The following CA1 variants were observed in gnomAD, a reference collection of about 807,000 sequenced individuals.
CA1 encodes carbonic anhydrase 1.
In CA1, 27 loss-of-function variants were observed where a neutral mutation model predicts 28.8. The ratio of observed to expected loss-of-function variants is 0.94; its 90% CI spans 0.69 to 1.29. CA1 has a LOEUF of 1.29. CA1 is among the 50% of genes most tolerant of loss of function. The pLI is 0.00. For missense variants in CA1, 335 were observed against 310.5 expected, an observed-to-expected ratio of 1.08 and a Z score of -0.59; for synonymous variants, 121 against 108.8, an observed-to-expected ratio of 1.11 and a Z score of -0.70.
intron 1 of CA1, among the ~76,000 whole-genome samples, chr8:85,370,489 A>T (rs1462133888): frequency 2.6e-5 from 4 of 152,126 alleles, no homozygotes; most frequent in Admixed American, 6.6e-5. Context: ...ATTTTTTAGA[A>T]AGAGATATGG....
At chr8:85,344,177 ATAATATATAATTATATAT>A (rs1809043196) in intron 1 of CA1, among the ~76,000 whole-genome samples, 1 of 118,972 alleles carries the variant, frequency 8.4e-6, no homozygotes, top group Admixed American at 8.7e-5. Context: ...TATACTGTAT[ATAATATATAATTATATAT>A]TATACAGTAT....
intron 2 of CA1, among the ~76,000 whole-genome samples, chr8:85,338,857 G>A (rs370087894): frequency 3.6e-4 from 54 of 151,642 alleles, no homozygotes; most frequent in African/African-American, 1.3e-3. Context: ...GGGATTACAG[G>A]AGCATGCCAC....
chr8:85,341,795 G>A, intron 1 of CA1, 136 bp from the exon 2 acceptor site: 2 of 604,698 alleles, frequency 3.3e-6, no homozygotes, highest in Non-Finnish European at 5.9e-6. Context: ...CTGCTTATCA[G>A]GAAGTACACA....
intron 1 of CA1, among the ~76,000 whole-genome samples, chr8:85,349,075 G>A (rs1340278128): frequency 2.6e-5 from 4 of 152,198 alleles, no homozygotes; most frequent in African/African-American, 9.7e-5. Flanking sequence ...ATGATTACAA[G>A]TGCTTTCTGA....
chr8:85,332,518 A>G lies in CA1; in HGVS notation c.485T>C (p.Leu162Pro), dbSNP rs759781628. ...GGTTTTAATTGCTTGGAGGGCATCAAGTACTTTCTGCAGCTTTGGGTTGGC... is the reference window on the plus strand; with the variant it reads ...GGTTTTAATTGCTTGGAGGGCATCAGGTACTTTCTGCAGCTTTGGGTTGGC... The part of the protein sequence containing the change: ...GEANPKLQKV[L>P]DALQAIKTKG... The change falls in exon 6 of 8, where the codon CTT becomes CCT. Residue 162 changes from leucine to proline, a missense_variant. Physicochemically the swap from Leu to Pro is moderately conservative, Grantham distance 98 (BLOSUM62 -3). Coordinates refer to ENST00000523022, the MANE Select transcript of CA1 (RefSeq NM_001128831.4). 42 of 1,613,122 alleles carry G rather than the reference A, an allele frequency of 2.6e-5. 1 individual carries two copies. The South Asian group carries it at 2.6e-4, about 10-fold the overall frequency.
intron 1 of CA1, among the ~76,000 whole-genome samples, chr8:85,343,703 T>A (rs1809018427): frequency 6.6e-6 from 1 of 152,178 alleles, no homozygotes; most frequent in African/African-American, 2.4e-5. Flanking sequence ...TGCTTTAACA[T>A]CCATATGGAA....
intron 1 of CA1, among the ~76,000 whole-genome samples, chr8:85,376,541 A>C (rs1218314559): frequency 6.6e-6 from 1 of 151,708 alleles, no homozygotes; most frequent in Non-Finnish European, 1.5e-5. Flanking sequence ...ACATGCCTGT[A>C]GTCCCAGGTA....
chr8:85,333,143 C>A (rs547730037), intron 5 of CA1, among the ~76,000 whole-genome samples: 1 of 152,178 alleles, frequency 6.6e-6, no homozygotes, highest in African/African-American at 2.4e-5. Flanking sequence ...ATTTCTGAAT[C>A]TATGATTTCA....
intron 3 of CA1, 31 bp downstream of exon 3, chr8:85,338,220 GA>G (rs761062549): frequency 1.9e-6 from 3 of 1,573,282 alleles, no homozygotes; most frequent in Non-Finnish European, 1.7e-6. Context: ...TAGACTGTAA[GA>G]AAAAAATATC....
intron 1 of CA1, among the ~76,000 whole-genome samples, chr8:85,374,324 T>A (rs1360496727): frequency 6.6e-6 from 1 of 152,130 alleles, no homozygotes; most frequent in African/African-American, 2.4e-5. Context: ...ATAGCAAAAA[T>A]TTTATATTAT....
intron 1 of CA1, among the ~76,000 whole-genome samples, chr8:85,369,727 C>CTTA (rs546283137): frequency 1.3e-5 from 2 of 152,072 alleles, no homozygotes; most frequent in South Asian, 2.1e-4. Flanking sequence ...AAATAGCTAC[C>CTTA]TTAAGGGGAA....
intron 6 of CA1, chr8:85,332,222 A>C (rs1384969531): frequency 3.1e-6 from 1 of 321,448 alleles, no homozygotes; most frequent in Non-Finnish European, 5.8e-6. Context: ...TTTTTCAAGC[A>C]AATTTAAATG....
intron 1 of CA1, among the ~76,000 whole-genome samples, chr8:85,343,583 T>C (rs529641385): frequency 1.3e-5 from 2 of 152,176 alleles, no homozygotes; most frequent in Non-Finnish European, 2.9e-5. Flanking sequence ...CTCCTAATAT[T>C]GTATACTTTG....
intron 1 of CA1, among the ~76,000 whole-genome samples, chr8:85,369,564 C>T (rs762860878): frequency 8.5e-5 from 13 of 152,104 alleles, no homozygotes; most frequent in Non-Finnish European, 1.3e-4. Flanking sequence ...AATGAAATGC[C>T]GTGGACTGGT....
intron 1 of CA1, among the ~76,000 whole-genome samples, chr8:85,344,148 T>C (rs1809037724): frequency 7.4e-6 from 1 of 134,400 alleles, no homozygotes; most frequent in Non-Finnish European, 1.6e-5. Context: ...TATAATTATA[T>C]ATTATATACT....
At chr8:85,370,595 G>A (rs1055354640) in intron 1 of CA1, among the ~76,000 whole-genome samples, 1 of 152,012 alleles carries the variant, frequency 6.6e-6, no homozygotes, top group African/African-American at 2.4e-5. Flanking sequence ...CCATGTCTCA[G>A]TAGAGATGCT....
In CA1 at chr8:85,338,028, T is replaced by C. The variant is rs1585922439; in HGVS notation, c.235+224A>G. On this transcript the variant is annotated intron_variant, in intron 3 of 7. Transcript: ENST00000523022. ...ACTGGAATGACGAGAAGAGACGTGA[T>C]GGTGACTTTGAGAAGCAAGACTGAA... 4 of 676,474 alleles carry C rather than the reference T, an allele frequency of 5.9e-6. No homozygotes were observed. The East Asian group carries it at 1.1e-4, about 19-fold the overall frequency. The allele number at this position is 676,474 out of a possible 1,614,324, so 41.9% of individuals were successfully genotyped here. A position where few individuals can be genotyped will look rare whatever the true frequency, so the allele number is the denominator to read the frequency against.
At position 85,336,224 on chromosome 8, in the gene CA1, A is replaced by G. The variant is rs13281766; in HGVS notation, c.354+721T>C. Among the ~76,000 whole-genome samples, 1,395 of 152,308 alleles carry G rather than the reference A, an allele frequency of 9.2e-3. 12 individuals carry two copies. The highest frequency in any genetic ancestry group is 0.015 in the Non-Finnish European group (1,017 of 68,028). On this transcript the variant is annotated intron_variant, in intron 4 of 7. Transcript: ENST00000523022. ...GAAAAAAAGCAGGTTGCAAAATTAT[A>G]TATATTATAGAATTCATTTGATGAA...
intron 1 of CA1, among the ~76,000 whole-genome samples, chr8:85,361,860 T>C (rs1232291847): frequency 6.6e-6 from 1 of 152,196 alleles, no homozygotes; most frequent in East Asian, 1.9e-4. Context: ...AAGGTACCCA[T>C]TGATCATGCA....
Sources: gnomAD v4.1 joint callset for allele counts (sites outside exome capture counted in the v4.1 genomes callset) on GRCh38, gnomAD v4.1.1 for gene constraint, MANE v1.5 for transcripts, NCBI Gene and HGNC (gene_info 2026-07-23, HGNC 2026-07-21) for gene names.